Variants in TASP1 observed in about 807,000 individuals in gnomAD.
TASP1 encodes the protein threonine aspartase 1.
TASP1 carries 16 observed loss-of-function variants against 56.6 expected under a neutral mutation model. That is an observed-to-expected ratio of 0.28 (90% CI 0.19 to 0.43). The LOEUF (loss-of-function observed/expected upper bound fraction) is 0.43, where lower values mean the gene tolerates loss of function less well. TASP1 is among the 20% of genes least tolerant of loss of function. The probability of loss-of-function intolerance (pLI) is 1.00; values close to 1 mark genes in which losing one functional copy is unlikely to be tolerated. For synonymous variants in TASP1, 179 were observed against 184.2 expected (o/e 0.97, Z 0.23); for missense variants, 393 against 511.6 (o/e 0.77, Z 2.24).
chr20:13,502,671 T>G (rs537202615), intron 10 of TASP1, among the ~76,000 whole-genome samples: 1 of 141,808 alleles, frequency 7.1e-6, no homozygotes, highest in Non-Finnish European at 1.5e-5. Context: ...AGAGAATTTG[T>G]GACAAGGTAG....
chr20:13,199,945 C>G, the TASP1 span, among the ~76,000 whole-genome samples: 1 of 152,196 alleles, frequency 6.6e-6, no homozygotes, highest in Non-Finnish European at 1.5e-5. Context: ...CTTTATCTAG[C>G]AGTTAACAAA....
At chr20:13,166,629 A>G in the TASP1 span, 1 of 152,248 alleles carries the variant, frequency 6.6e-6, no homozygotes, top group Admixed American at 6.5e-5. Context: ...TATCTTGAAT[A>G]TGTGCATTTA....
chr20:13,606,568 G>A (rs1417558553), intron 4 of TASP1, among the ~76,000 whole-genome samples: 3 of 152,120 alleles, frequency 2.0e-5, no homozygotes, highest in Non-Finnish European at 4.4e-5. Context: ...AGCACTTTGG[G>A]AGGCTAAAGT....
At chr20:13,180,302 C>T in the TASP1 span, among the ~76,000 whole-genome samples, 3,501 of 152,254 alleles carry the variant, frequency 0.023, 61 homozygotes, top group South Asian at 0.03. Context: ...GACAATAACA[C>T]TTAGCTTTGA....
At chr20:13,623,301 C>G (rs2048781362) in intron 4 of TASP1, 145 bp downstream of exon 4, 3 of 539,740 alleles carry the variant, frequency 5.6e-6, no homozygotes, top group Middle Eastern at 3.1e-4. Flanking sequence ...ACAACAATAT[C>G]ATAGGCTTCT....
intron 11 of TASP1, among the ~76,000 whole-genome samples, chr20:13,478,136 C>T (rs981903403): frequency 2.6e-5 from 4 of 152,010 alleles, no homozygotes; most frequent in Non-Finnish European, 5.9e-5. Flanking sequence ...TTATTAGACC[C>T]ATAAGCAATA....
At chr20:13,202,278 A>G in the TASP1 span, among the ~76,000 whole-genome samples, 1 of 152,236 alleles carries the variant, frequency 6.6e-6, no homozygotes, top group African/African-American at 2.4e-5. Context: ...ATGGAGTTGG[A>G]AAGCAACGTA....
At chr20:13,167,171 A>T in the TASP1 span, 10 of 152,328 alleles carry the variant, frequency 6.6e-5, no homozygotes, top group South Asian at 2.1e-3. Context: ...AAGGTTAATT[A>T]GGAGGGTGAT....
At chr20:13,240,245 A>G in the TASP1 span, among the ~76,000 whole-genome samples, 1 of 152,266 alleles carries the variant, frequency 6.6e-6, no homozygotes, top group African/African-American at 2.4e-5. Context: ...TAGAAAGAAA[A>G]CTGACAATAA....
At chr20:13,210,503 C>T in the TASP1 span, among the ~76,000 whole-genome samples, 2 of 151,688 alleles carry the variant, frequency 1.3e-5, no homozygotes, top group Non-Finnish European at 2.9e-5. Flanking sequence ...TTTTAATGGC[C>T]GTATGGTTTC....
At chr20:13,597,592 G>C (rs1421900578) in intron 4 of TASP1, among the ~76,000 whole-genome samples, 1 of 152,142 alleles carries the variant, frequency 6.6e-6, no homozygotes, top group South Asian at 2.1e-4. Context: ...ATGGGCAATA[G>C]CTGGAAGCAT....
chr20:13,395,848 C>T (rs893577522), intron 13 of TASP1, among the ~76,000 whole-genome samples: 8 of 151,856 alleles, frequency 5.3e-5, no homozygotes, highest in African/African-American at 1.2e-4. Context: ...ACTATAGGCG[C>T]GTGCCACTAC....
chr20:13,408,433 T>C (rs1350890013), intron 13 of TASP1, among the ~76,000 whole-genome samples: 2 of 152,184 alleles, frequency 1.3e-5, no homozygotes, highest in Non-Finnish European at 2.9e-5. Context: ...TCTCCGCATA[T>C]ATATTCATGA....
chr20:13,587,421 T>C, intron 4 of TASP1, 51 bp from the exon 5 acceptor site: 2 of 1,474,862 alleles, frequency 1.4e-6, no homozygotes, highest in Non-Finnish European at 1.8e-6. Context: ...AAAAAAGTAT[T>C]AATGTCAGTC....
chr20:13,289,078 G>A, the TASP1 span, among the ~76,000 whole-genome samples: 2 of 152,200 alleles, frequency 1.3e-5, no homozygotes, highest in African/African-American at 4.8e-5. Flanking sequence ...GAGGCAAGAT[G>A]TAACTACTTT....
At chr20:13,215,897 C>A in the TASP1 span, among the ~76,000 whole-genome samples, 1 of 152,298 alleles carries the variant, frequency 6.6e-6, no homozygotes, top group African/African-American at 2.4e-5. Context: ...CTGGGAGCAC[C>A]TCTGATTGTG....
intron 12 of TASP1, among the ~76,000 whole-genome samples, chr20:13,423,041 T>TTA (rs935331338): frequency 5.9e-5 from 9 of 152,318 alleles, no homozygotes; most frequent in African/African-American, 1.9e-4. Flanking sequence ...AGATATGCCT[T>TTA]TATATATATA....
At chr20:13,542,336 C>A (rs918010714) in intron 8 of TASP1, among the ~76,000 whole-genome samples, 1 of 151,984 alleles carries the variant, frequency 6.6e-6, no homozygotes, top group African/African-American at 2.4e-5. Flanking sequence ...CAAGGAAATA[C>A]AATATTTCTA....
chr20:13,427,203 C>T (rs543691974), intron 12 of TASP1, among the ~76,000 whole-genome samples: 12 of 152,254 alleles, frequency 7.9e-5, no homozygotes, highest in Non-Finnish European at 1.3e-4. Flanking sequence ...AACCAAAAGG[C>T]GGTTTGGAAT....
Sources: allele counts gnomAD v4.1 joint callset (sites outside exome capture counted in the v4.1 genomes callset), GRCh38; gene constraint gnomAD v4.1.1; transcripts MANE v1.5; gene names NCBI Gene and HGNC (gene_info 2026-07-23, HGNC 2026-07-21).